STX18: variants seen among roughly 807,000 people sequenced by gnomAD.
STX18 encodes syntaxin-18.
A neutral mutation model predicts 50.1 loss-of-function variants in STX18; 40 were observed. That is an observed-to-expected ratio of 0.80 (90% CI 0.62 to 1.04). STX18 has a LOEUF of 1.04. Ranked by LOEUF, STX18 falls within the 50% of genes least tolerant of loss-of-function variation. The probability of loss-of-function intolerance (pLI) is 0.00; values close to 1 mark genes in which losing one functional copy is unlikely to be tolerated. For synonymous variants in STX18, 158 were observed against 151.8 expected, an observed-to-expected ratio of 1.04 and a Z score of -0.30; for missense variants, 410 against 415.8, an observed-to-expected ratio of 0.99 and a Z score of 0.12.
In STX18 at chr4:4,423,581, G is replaced by T. The variant is rs746484842; in HGVS notation, c.768C>A (p.Ile256=). The change falls in exon 9 of 11, where the codon ATC becomes ATA. Residue 256 remains isoleucine, a synonymous_variant. Transcript: ENST00000306200. ...MNSLFDEVRQ[I]EGRVVEISRL... ...TGGAAATCTCAACCACTCTCCCTTC[G>T]ATTTGCCTTCATAAAAAGAACAGAT... 1.9e-6 allele frequency: 3 copies of T among 1,613,920 alleles called. No homozygotes were observed. Among genetic ancestry groups the T allele is most frequent in the East Asian group, 4.5e-5 (2 of 44,900 alleles).
intron 1 of STX18, among the ~76,000 whole-genome samples, chr4:4,472,724 C>A (rs1360198520): frequency 6.6e-6 from 1 of 152,066 alleles, no homozygotes; most frequent in East Asian, 1.9e-4. Context: ...AGGGGCTGCC[C>A]ATCTTTCCCT....
chr4:4,513,618 T>C lies in STX18; in HGVS notation c.168+28179A>G, dbSNP rs138031369. ...CTACTGTTTTCAAAAGTAGATTATT[T>C]AAATGTGACACACTGAAAATCTCTA... On this transcript the variant is annotated intron_variant, in intron 1 of 10. Coordinates refer to ENST00000306200, the MANE Select transcript of STX18 (RefSeq NM_016930.4). 3.1e-3 allele frequency among the ~76,000 whole-genome samples: 477 copies of C among 152,264 alleles called. 1 individual carries two copies. The highest frequency in any genetic ancestry group is 0.011 in the African/African-American group (464 of 41,540).
chr4:4,472,741 G>C (rs1727984666), intron 1 of STX18, among the ~76,000 whole-genome samples: 1 of 152,200 alleles, frequency 6.6e-6, no homozygotes, highest in Non-Finnish European at 1.5e-5. Context: ...CCCTACAGTT[G>C]TAAGCACAAC....
intron 1 of STX18, among the ~76,000 whole-genome samples, chr4:4,495,634 C>T (rs975981620): frequency 6.7e-6 from 1 of 148,574 alleles, no homozygotes; most frequent in African/African-American, 2.5e-5. Flanking sequence ...CTCCTGGCCT[C>T]TAGAGATCCT....
Position 4,499,556 on chromosome 4 carries a change from C to T in STX18, c.169-27850G>A, listed in dbSNP as rs1004758350. 9.1e-6 allele frequency: 9 copies of T among 985,216 alleles called. No homozygotes were observed. In the African/African-American group the frequency reaches 1.4e-4, roughly 15 times the overall value. 61.0% of individuals were successfully genotyped at this position (985,216 alleles called of 1,614,324 possible). A position where few individuals can be genotyped will look rare whatever the true frequency, so the allele number is the denominator to read the frequency against. ...CCAGCAAGCCTAGCACTGATTAAAG[C>T]TGCATTTTCAGATTCATAGGTATTC... On this transcript the variant is annotated intron_variant, in intron 1 of 10. Coordinates refer to ENST00000306200, the MANE Select transcript of STX18 (RefSeq NM_016930.4).
chr4:4,485,785 A>G (rs1577365523), intron 1 of STX18, among the ~76,000 whole-genome samples: 1 of 151,848 alleles, frequency 6.6e-6, no homozygotes, highest in South Asian at 2.1e-4. Flanking sequence ...TACAGCGTGC[A>G]GCCTGTCCCT....
At chr4:4,474,553 T>C (rs1728079054) in intron 1 of STX18, among the ~76,000 whole-genome samples, 1 of 152,172 alleles carries the variant, frequency 6.6e-6, no homozygotes, top group African/African-American at 2.4e-5. Context: ...ATGCAGCACA[T>C]GAGTTAAGGT....
intron 5 of STX18, among the ~76,000 whole-genome samples, chr4:4,456,928 T>C (rs1727107768): frequency 6.6e-6 from 1 of 151,880 alleles, no homozygotes; most frequent in Non-Finnish European, 1.5e-5. Context: ...CTAGGGTGAG[T>C]GGCCAAGCCT....
intron 1 of STX18, among the ~76,000 whole-genome samples, chr4:4,534,185 T>C (rs528081196): frequency 1.3e-4 from 20 of 152,328 alleles, no homozygotes; most frequent in African/African-American, 2.9e-4. Context: ...AAGGACCCCA[T>C]TGAGTTCCTC....
chr4:4,464,538 C>T (rs1218032048), intron 2 of STX18, among the ~76,000 whole-genome samples: 1 of 152,176 alleles, frequency 6.6e-6, no homozygotes, highest in Non-Finnish European at 1.5e-5. Flanking sequence ...TCTTGCTTTA[C>T]CTAGGTAACT....
rs149964174 is a variant in STX18, at chr4:4,455,193, C to T, written c.497+1998G>A. On this transcript the variant is annotated intron_variant, in intron 5 of 10. Coordinates refer to ENST00000306200, the MANE Select transcript of STX18 (RefSeq NM_016930.4). ...CCATTTCCCCCTCTGAGCTTACTAC[C>T]GATTTCACTAATTATGACATATCCT... is the stretch of plus-strand genomic sequence containing the variant. Among the ~76,000 whole-genome samples the T allele has an allele frequency of 5.3e-5, 8 of 152,328 alleles. No homozygotes were observed. The East Asian group carries it at 1.4e-3, about 26-fold the overall frequency.
chr4:4,455,501 A>T (rs1332053041), intron 5 of STX18, among the ~76,000 whole-genome samples: 2 of 152,256 alleles, frequency 1.3e-5, no homozygotes, highest in Non-Finnish European at 2.9e-5. Context: ...TTGCAAGGTT[A>T]ACCCTTGCCT....
chr4:4,535,664 T>G (rs1451952573), intron 1 of STX18, among the ~76,000 whole-genome samples: 1 of 152,212 alleles, frequency 6.6e-6, no homozygotes, highest in Non-Finnish European at 1.5e-5. Context: ...AAAAGGTTCC[T>G]GCCATATTTA....
chr4:4,476,431 AGACT>A (rs931582169), intron 1 of STX18, among the ~76,000 whole-genome samples: 4 of 152,250 alleles, frequency 2.6e-5, no homozygotes, highest in African/African-American at 7.2e-5. Context: ...CCAAAGCTCA[AGACT>A]GACTGAGCTG....
At chr4:4,451,449 A>ATACT (rs1258189672) in intron 5 of STX18, among the ~76,000 whole-genome samples, 2 of 152,226 alleles carry the variant, frequency 1.3e-5, no homozygotes, top group African/African-American at 4.8e-5. Context: ...TGCACTCTGC[A>ATACT]GATATTGCAT....
At chr4:4,466,883 G>C (rs928623942) in intron 2 of STX18, among the ~76,000 whole-genome samples, 3 of 152,122 alleles carry the variant, frequency 2.0e-5, no homozygotes, top group Non-Finnish European at 2.9e-5. Flanking sequence ...TGAAGATTTG[G>C]AGGCTCGATT....
intron 5 of STX18, among the ~76,000 whole-genome samples, chr4:4,456,733 C>G (rs1265247014): frequency 1.3e-5 from 2 of 152,180 alleles, no homozygotes; most frequent in East Asian, 3.9e-4. Context: ...TGTGCCCTCG[C>G]TCTTCTCTCA....
At chr4:4,461,857 T>C (rs1727395140) in intron 2 of STX18, 1 of 456,092 alleles carries the variant, frequency 2.2e-6, no homozygotes, top group African/African-American at 2.0e-5. Flanking sequence ...GCAGAAAGCA[T>C]GGGGTGTGCA....
At chr4:4,515,181 AATAAT>A (rs778781927) in intron 1 of STX18, among the ~76,000 whole-genome samples, 9 of 152,264 alleles carry the variant, frequency 5.9e-5, no homozygotes, top group South Asian at 4.1e-4. Flanking sequence ...TTTAAAAAAT[AATAAT>A]ATAATATACT....
Sources: gnomAD v4.1 joint callset for allele counts (sites outside exome capture counted in the v4.1 genomes callset) on GRCh38, gnomAD v4.1.1 for gene constraint, MANE v1.5 for transcripts, NCBI Gene and HGNC (gene_info 2026-07-23, HGNC 2026-07-21) for gene names.